PCDH11X: variants seen among roughly 807,000 people sequenced by gnomAD.
PCDH11X encodes protocadherin 11 X-linked.
In PCDH11X, 18 loss-of-function variants were observed where a neutral mutation model predicts 53.3. The observed-to-expected ratio is 0.34, with a 90% CI of 0.23 to 0.50. PCDH11X has a LOEUF of 0.50. PCDH11X is among the 20% of genes least tolerant of loss of function. The pLI is 0.98. For missense variants in PCDH11X, 570 were observed against 1,032.4 expected (o/e 0.55, Z 6.14); for synonymous variants, 279 against 393.3 (o/e 0.71, Z 3.44).
At chrX:92,320,199 G>A (rs1447243530) in intron 8 of PCDH11X, among the ~76,000 whole-genome samples, 1 of 111,436 alleles carries the variant, frequency 9.0e-6, no homozygotes, top group African/African-American at 3.3e-5. Flanking sequence ...TGTGTCTGTG[G>A]CAATCGGCTA....
intron 7 of PCDH11X, among the ~76,000 whole-genome samples, chrX:92,221,841 AT>A (rs35858406): frequency 0.24 from 25,346 of 104,702 alleles, 2,759 homozygotes; most frequent in East Asian, 0.62. Context: ...TCTTAAATAG[AT>A]TTTTTTTTTT....
chrX:92,034,562 C>A (rs754984116), intron 6 of PCDH11X, among the ~76,000 whole-genome samples: 1 of 105,811 alleles, frequency 9.5e-6, no homozygotes, highest in East Asian at 3.2e-4. Flanking sequence ...ATAGCTACTC[C>A]TGCTCTTTTT....
At chrX:92,580,825 G>A (rs1380091977) in intron 10 of PCDH11X, among the ~76,000 whole-genome samples, 9 of 111,294 alleles carry the variant, frequency 8.1e-5, no homozygotes, top group African/African-American at 2.3e-4. Context: ...TCCCGAGTTC[G>A]GTAACACAAT....
At chrX:92,303,306 A>G (rs780373729) in intron 8 of PCDH11X, among the ~76,000 whole-genome samples, 1 of 111,060 alleles carries the variant, frequency 9.0e-6, no homozygotes, top group Non-Finnish European at 1.9e-5. Context: ...AGAAAATTCT[A>G]CTGGAAGAAG....
chrX:92,250,168 T>A (rs1395510529), intron 7 of PCDH11X, among the ~76,000 whole-genome samples: 1 of 111,901 alleles, frequency 8.9e-6, no homozygotes, highest in East Asian at 2.8e-4. Flanking sequence ...TATAGTAGAA[T>A]AGTTATGCTA....
intron 5 of PCDH11X, among the ~76,000 whole-genome samples, chrX:91,858,505 G>T (rs1180783716): frequency 2.7e-5 from 3 of 111,590 alleles, no homozygotes; most frequent in South Asian, 7.6e-4. Context: ...TTCATGCTCT[G>T]CCTTCCTTTT....
chrX:92,122,805 C>T (rs35439276), intron 6 of PCDH11X, among the ~76,000 whole-genome samples: 1 of 110,211 alleles, frequency 9.1e-6, no homozygotes, highest in African/African-American at 3.3e-5. Flanking sequence ...GGAATGGTGG[C>T]GGGCACCTGT....
chrX:92,346,960 G>A, intron 8 of PCDH11X, among the ~76,000 whole-genome samples: 1 of 110,591 alleles, frequency 9.0e-6, no homozygotes, highest in Non-Finnish European at 1.9e-5. Context: ...TCTGTTAATT[G>A]GTGGTAAAAA....
intron 6 of PCDH11X, among the ~76,000 whole-genome samples, chrX:91,999,913 T>G (rs1001156356): frequency 8.9e-6 from 1 of 111,767 alleles, no homozygotes; most frequent in Non-Finnish European, 1.9e-5. Flanking sequence ...GGGACAGCCT[T>G]AAAATAGGAG....
chrX:91,961,922 A>C (rs1385776524), intron 6 of PCDH11X, among the ~76,000 whole-genome samples: 1 of 110,856 alleles, frequency 9.0e-6, no homozygotes, highest in Admixed American at 9.6e-5. Flanking sequence ...AAACCATCAG[A>C]TCTCGTGAGA....
At chrX:92,364,264 C>T (rs1445093467) in intron 8 of PCDH11X, among the ~76,000 whole-genome samples, 1 of 111,670 alleles carries the variant, frequency 9.0e-6, no homozygotes, top group East Asian at 2.8e-4. Flanking sequence ...CATGAACTTA[C>T]ACTCTATAGC....
chrX:92,399,658 A>G (rs759740922), intron 9 of PCDH11X, among the ~76,000 whole-genome samples: 2 of 112,027 alleles, frequency 1.8e-5, no homozygotes, highest in East Asian at 5.7e-4. Context: ...TCTTCAATAA[A>G]GAGACTTTCT....
chrX:92,517,544 G>T (rs1485585643), intron 10 of PCDH11X, among the ~76,000 whole-genome samples: 1 of 111,512 alleles, frequency 9.0e-6, no homozygotes, highest in Non-Finnish European at 1.9e-5. Context: ...CAGAACACTG[G>T]TCTTAAATAT....
At chrX:92,126,915 G>A (rs2064877593) in intron 6 of PCDH11X, among the ~76,000 whole-genome samples, 1 of 105,348 alleles carries the variant, frequency 9.5e-6, no homozygotes, top group Non-Finnish European at 1.9e-5. Context: ...GCTGATTTTT[G>A]TTGCCTAAAA....
intron 9 of PCDH11X, among the ~76,000 whole-genome samples, chrX:92,445,373 C>A (rs189056120): frequency 9.8e-6 from 1 of 101,923 alleles, no homozygotes; most frequent in South Asian, 4.7e-4. Context: ...TAGAGTTGTT[C>A]TTAATAATCC....
intron 6 of PCDH11X, among the ~76,000 whole-genome samples, chrX:91,902,503 T>C (rs1366454865): frequency 2.0e-5 from 2 of 101,909 alleles, no homozygotes; most frequent in African/African-American, 7.1e-5. Context: ...ACTGCATAAG[T>C]GTTAATTTTC....
intron 6 of PCDH11X, among the ~76,000 whole-genome samples, chrX:91,953,274 G>T (rs1182980253): frequency 2.7e-5 from 3 of 110,328 alleles, no homozygotes; most frequent in Non-Finnish European, 5.7e-5. Flanking sequence ...TACATTGCAT[G>T]CCTGTATCGA....
chrX:92,107,255 C>G (rs1399485774), intron 6 of PCDH11X, among the ~76,000 whole-genome samples: 3 of 111,910 alleles, frequency 2.7e-5, no homozygotes, highest in Non-Finnish European at 5.6e-5. Flanking sequence ...AAGCTGTACC[C>G]TGACCACCCT....
chrX:92,011,204 A>G (rs2062685246), intron 6 of PCDH11X, among the ~76,000 whole-genome samples: 1 of 112,054 alleles, frequency 8.9e-6, no homozygotes, highest in African/African-American at 3.2e-5. Context: ...ATGCGTCTTT[A>G]TGGCAGAACA....
Sources: gnomAD v4.1 joint callset for allele counts (sites outside exome capture counted in the v4.1 genomes callset) on GRCh38, gnomAD v4.1.1 for gene constraint, MANE v1.5 for transcripts, NCBI Gene and HGNC (gene_info 2026-07-23, HGNC 2026-07-21) for gene names.